Variants in CDH18 observed in about 807,000 individuals in gnomAD.
CDH18 encodes the protein cadherin 18.
A neutral mutation model predicts 67.9 loss-of-function variants in CDH18; 31 were observed. The ratio of observed to expected loss-of-function variants is 0.46; its 90% CI spans 0.34 to 0.62. CDH18 has a LOEUF of 0.62. Among genes scored for constraint, CDH18 ranks in the 20% least tolerant of loss-of-function variants. The pLI, the probability that CDH18 is intolerant of heterozygous loss-of-function variation, is 0.01. For missense variants in CDH18, 890 were observed against 975.5 expected (o/e 0.91, Z 1.17); for synonymous variants, 362 against 347.2 (o/e 1.04, Z -0.48).
At chr5:19,758,487 G>T (rs57931698) in intron 3 of CDH18, among the ~76,000 whole-genome samples, 6,107 of 152,274 alleles carry the variant, frequency 0.04, 386 homozygotes, top group African/African-American at 0.14. Context: ...TGGGTCATGT[G>T]GCTTAAGTGG....
chr5:19,708,659 A>AC (rs1764274334), intron 5 of CDH18, among the ~76,000 whole-genome samples: 1 of 152,184 alleles, frequency 6.6e-6, no homozygotes, highest in African/African-American at 2.4e-5. Context: ...TGAACCACAA[A>AC]CAATAGCATG....
intron 2 of CDH18, among the ~76,000 whole-genome samples, chr5:20,032,417 C>T (rs1181221122): frequency 2.0e-5 from 3 of 151,810 alleles, no homozygotes; most frequent in Non-Finnish European, 4.4e-5. Context: ...AAAAATAGAA[C>T]ATTCTAAAAA....
At chr5:19,801,764 A>T (rs1044383550) in intron 3 of CDH18, among the ~76,000 whole-genome samples, 2 of 152,200 alleles carry the variant, frequency 1.3e-5, no homozygotes, top group African/African-American at 4.8e-5. Flanking sequence ...GTGCAGAATA[A>T]AAAACAACTT....
chr5:20,330,020 AAT>A (rs1285759341), intron 1 of CDH18, among the ~76,000 whole-genome samples: 2 of 152,072 alleles, frequency 1.3e-5, no homozygotes, highest in Non-Finnish European at 2.9e-5. Context: ...AATAATGAAA[AAT>A]AGTTATGTGT....
At chr5:20,513,672 C>T (rs1755180820) in intron 1 of CDH18, among the ~76,000 whole-genome samples, 2 of 152,102 alleles carry the variant, frequency 1.3e-5, no homozygotes, top group South Asian at 4.1e-4. Flanking sequence ...AAAACATTTT[C>T]TTATAACTTT....
chr5:20,520,024 A>G (rs998505910), intron 1 of CDH18, among the ~76,000 whole-genome samples: 2 of 117,398 alleles, frequency 1.7e-5, no homozygotes, highest in South Asian at 2.9e-4. Context: ...TTGGTCTCGA[A>G]CTCCTGAGCT....
rs1772315786 is a variant in CDH18 at position 19,761,343 on chromosome 5, A to T, written c.229-14107T>A. On this transcript the variant is annotated intron_variant, in intron 3 of 12. Transcript: ENST00000382275. ...TTAGGAGTAACCAACCAGCTTCATT[A>T]TGTTCCTTGGATCTCCACATATAGT... Among the ~76,000 whole-genome samples, 4 of 152,164 alleles carry T rather than the reference A, an allele frequency of 2.6e-5. No homozygotes were observed. In the South Asian group the frequency reaches 8.3e-4, roughly 32 times the overall value.
intron 2 of CDH18, among the ~76,000 whole-genome samples, chr5:19,886,561 C>A (rs144797512): frequency 6.6e-6 from 1 of 152,110 alleles, no homozygotes; most frequent in Non-Finnish European, 1.5e-5. Flanking sequence ...TGTGTTTCCT[C>A]GCAATCAATC....
chr5:19,841,135 G>A (rs1782271871), intron 2 of CDH18, among the ~76,000 whole-genome samples: 1 of 152,236 alleles, frequency 6.6e-6, no homozygotes, highest in African/African-American at 2.4e-5. Flanking sequence ...TAGTAATAGT[G>A]CTTACTTCAC....
intron 12 of CDH18, among the ~76,000 whole-genome samples, chr5:19,474,174 C>T (rs970687193): frequency 2.0e-5 from 3 of 152,072 alleles, no homozygotes; most frequent in Admixed American, 6.6e-5. Flanking sequence ...GAAGAAGGAG[C>T]CTTAACGTTA....
At chr5:20,105,823 A>C (rs1580255134) in intron 2 of CDH18, among the ~76,000 whole-genome samples, 1 of 152,314 alleles carries the variant, frequency 6.6e-6, no homozygotes, top group African/African-American at 2.4e-5. Context: ...TCTGTTGATG[A>C]ACAGTTGGAT....
At chr5:19,889,924 A>C (rs1284746739) in intron 2 of CDH18, among the ~76,000 whole-genome samples, 1 of 152,180 alleles carries the variant, frequency 6.6e-6, no homozygotes, top group African/African-American at 2.4e-5. Context: ...AAAATCTTGC[A>C]ATGCAAGATG....
intron 1 of CDH18, among the ~76,000 whole-genome samples, chr5:20,499,023 T>C (rs1754079063): frequency 6.6e-6 from 1 of 152,052 alleles, no homozygotes; most frequent in African/African-American, 2.4e-5. Context: ...TCACAATTTG[T>C]TCATAATCCT....
At chr5:19,558,831 A>AG (rs767211669) in intron 8 of CDH18, among the ~76,000 whole-genome samples, 11 of 151,896 alleles carry the variant, frequency 7.2e-5, no homozygotes, top group Admixed American at 3.9e-4. Context: ...TAAAACCAAA[A>AG]GGGGACATAA....
chr5:20,569,520 A>C (rs948282248), intron 1 of CDH18, among the ~76,000 whole-genome samples: 7 of 152,148 alleles, frequency 4.6e-5, no homozygotes, highest in African/African-American at 1.7e-4. Context: ...CTGAGGCAGG[A>C]GAATTGCTTG....
At chr5:19,566,103 C>G (rs927264772) in intron 8 of CDH18, among the ~76,000 whole-genome samples, 12 of 151,958 alleles carry the variant, frequency 7.9e-5, no homozygotes, top group Non-Finnish European at 4.4e-5. Flanking sequence ...ATACAAATAG[C>G]AAACAGACAT....
chr5:19,498,693 C>A (rs1484141417), intron 11 of CDH18, among the ~76,000 whole-genome samples: 2 of 152,166 alleles, frequency 1.3e-5, no homozygotes, highest in African/African-American at 4.8e-5. Context: ...CCAGACAACT[C>A]TAACTTTAAT....
chr5:19,860,519 T>A (rs1312787948), intron 2 of CDH18, among the ~76,000 whole-genome samples: 2 of 151,718 alleles, frequency 1.3e-5, no homozygotes, highest in African/African-American at 2.4e-5. Flanking sequence ...ATTTACTTTT[T>A]AAAAAAATAC....
intron 2 of CDH18, among the ~76,000 whole-genome samples, chr5:19,947,097 T>C (rs1297729122): frequency 1.3e-5 from 2 of 152,096 alleles, no homozygotes; most frequent in Non-Finnish European, 2.9e-5. Context: ...ACATAAAGCA[T>C]ATATACAAAA....
Sources: gnomAD v4.1 joint callset for allele counts (sites outside exome capture counted in the v4.1 genomes callset) on GRCh38, gnomAD v4.1.1 for gene constraint, MANE v1.5 for transcripts, NCBI Gene and HGNC (gene_info 2026-07-23, HGNC 2026-07-21) for gene names.